The following STK3 variants were observed in gnomAD, a reference collection of about 807,000 sequenced individuals.
STK3 encodes the protein serine/threonine kinase 3, also known as serine/threonine-protein kinase 3.
STK3 carries 41 observed loss-of-function variants against 58.0 expected under a neutral mutation model. That is an observed-to-expected ratio of 0.71 (90% CI 0.55 to 0.92). STK3 has a LOEUF of 0.92. Among genes scored for constraint, STK3 ranks in the 40% least tolerant of loss-of-function variants. The probability of loss-of-function intolerance (pLI) is 0.00; values close to 1 mark genes in which losing one functional copy is unlikely to be tolerated. For missense variants in STK3, 479 were observed against 602.7 expected (o/e 0.79, Z 2.15); for synonymous variants, 170 against 191.0 (o/e 0.89, Z 0.91).
the STK3 span, among the ~76,000 whole-genome samples, chr8:98,353,492 A>G: frequency 6.6e-6 from 1 of 151,720 alleles, no homozygotes; most frequent in Non-Finnish European, 1.5e-5. Context: ...CCCTGTTTCT[A>G]AATAAAAATA....
intron 3 of STK3, among the ~76,000 whole-genome samples, chr8:98,407,960 C>A (rs1207512946): frequency 6.6e-6 from 1 of 152,194 alleles, no homozygotes; most frequent in African/African-American, 2.4e-5. Flanking sequence ...CCTGCATATC[C>A]ATTATACTCG....
the STK3 span, among the ~76,000 whole-genome samples, chr8:98,361,269 C>T: frequency 7.9e-4 from 120 of 152,206 alleles, no homozygotes; most frequent in Non-Finnish European, 1.5e-3. Flanking sequence ...TGCCTCCTGC[C>T]CACGGTGCCA....
intron 1 of STK3, among the ~76,000 whole-genome samples, chr8:98,809,650 T>C (rs558046043): frequency 6.6e-6 from 1 of 152,364 alleles, no homozygotes; most frequent in East Asian, 1.9e-4. Flanking sequence ...ATCCATGTTG[T>C]AACATGTATC....
At chr8:98,544,977 G>C (rs982461051) in intron 9 of STK3, among the ~76,000 whole-genome samples, 1 of 152,052 alleles carries the variant, frequency 6.6e-6, no homozygotes, top group African/African-American at 2.4e-5. Flanking sequence ...CATAAAAACA[G>C]AGCTAACTGA....
chr8:98,649,984 G>C (rs1820750657), intron 6 of STK3, among the ~76,000 whole-genome samples: 1 of 151,962 alleles, frequency 6.6e-6, no homozygotes, highest in African/African-American at 2.4e-5. Context: ...TCTAGTTTTT[G>C]AAACTACTTT....
chr8:98,650,324 A>C (rs187371644), intron 6 of STK3, among the ~76,000 whole-genome samples: 6 of 152,372 alleles, frequency 3.9e-5, no homozygotes, highest in Admixed American at 1.3e-4. Flanking sequence ...TCCACTGTTT[A>C]AAATGTTTAC....
intron 3 of STK3, chr8:98,413,570 C>G (rs1027041640): frequency 3.0e-6 from 2 of 663,562 alleles, no homozygotes; most frequent in African/African-American, 3.6e-5. Context: ...CAGATGACAA[C>G]TTTGTGTCTA....
At chr8:98,406,307 TTTCATC>T (rs1358448261) in intron 3 of STK3, among the ~76,000 whole-genome samples, 1 of 151,348 alleles carries the variant, frequency 6.6e-6, no homozygotes, top group African/African-American at 2.4e-5. Context: ...TTATTTCGGC[TTTCATC>T]TTAGGTTCAG....
At chr8:98,820,543 T>A (rs1386590076) in intron 1 of STK3, among the ~76,000 whole-genome samples, 1 of 152,190 alleles carries the variant, frequency 6.6e-6, no homozygotes, top group African/African-American at 2.4e-5. Context: ...TGCCCACCTG[T>A]CTATCATAGA....
At chr8:98,881,793 TA>T (rs1362982657), downstream of STK3, 1 of 152,138 alleles carries the variant, frequency 6.6e-6, no homozygotes, top group South Asian at 2.1e-4. Context: ...TATGCATTGC[TA>T]AAAAAATCCA....
chr8:98,666,979 T>C (rs1182167858), intron 6 of STK3, among the ~76,000 whole-genome samples: 1 of 152,184 alleles, frequency 6.6e-6, no homozygotes, highest in Non-Finnish European at 1.5e-5. Flanking sequence ...AAGGATCATA[T>C]TGTCTTTTTA....
chr8:98,847,892 G>C (rs1836272700), intron 3 of STK3, among the ~76,000 whole-genome samples: 1 of 152,038 alleles, frequency 6.6e-6, no homozygotes, highest in Admixed American at 6.6e-5. Context: ...AAATGCACAT[G>C]ATCAGCTGCT....
At chr8:98,938,243 G>C (rs1018867393) in intron 1 of STK3, among the ~76,000 whole-genome samples, 1 of 152,112 alleles carries the variant, frequency 6.6e-6, no homozygotes, top group African/African-American at 2.4e-5. Flanking sequence ...GCCTTCTATT[G>C]TTCACTGCCC....
intron 6 of STK3, among the ~76,000 whole-genome samples, chr8:98,653,954 A>C (rs1008537325): frequency 1.3e-5 from 2 of 152,230 alleles, no homozygotes; most frequent in African/African-American, 4.8e-5. Context: ...ATCAATAGAA[A>C]AAGAGGGAAT....
At chr8:98,685,716 C>T (rs180789723) in intron 6 of STK3, among the ~76,000 whole-genome samples, 9 of 151,046 alleles carry the variant, frequency 6.0e-5, no homozygotes, top group South Asian at 4.2e-4. Context: ...TGTGAAAGTA[C>T]GGTTAATAGA....
At chr8:98,595,742 G>C in intron 7 of STK3, 1 of 238,752 alleles carries the variant, frequency 4.2e-6, no homozygotes, top group Non-Finnish European at 8.2e-6. Flanking sequence ...AAAAGTCAAA[G>C]GATAAATGCT....
chr8:98,585,162 G>T (rs1471487317), intron 7 of STK3, among the ~76,000 whole-genome samples: 14 of 150,990 alleles, frequency 9.3e-5, no homozygotes, highest in South Asian at 8.4e-4. Flanking sequence ...AGACATGAAG[G>T]CCTTGCCCAT....
intron 3 of STK3, among the ~76,000 whole-genome samples, chr8:98,836,002 A>C (rs1268822842): frequency 1.3e-5 from 2 of 152,200 alleles, no homozygotes; most frequent in African/African-American, 2.4e-5. Flanking sequence ...GGAGTTCGAG[A>C]CCAGCCTGCC....
chr8:98,457,525 T>C (rs34556077), intron 10 of STK3, among the ~76,000 whole-genome samples: 3,223 of 152,340 alleles, frequency 0.021, 55 homozygotes, highest in Middle Eastern at 0.048. Flanking sequence ...ACACTCATAA[T>C]TTAAACAACA....
Sources: allele counts gnomAD v4.1 joint callset (sites outside exome capture counted in the v4.1 genomes callset), GRCh38; gene constraint gnomAD v4.1.1; transcripts MANE v1.5; gene names NCBI Gene and HGNC (gene_info 2026-07-23, HGNC 2026-07-21).